Variants in CALHM4 observed in about 807,000 individuals in gnomAD.
CALHM4 encodes the protein calcium homeostasis modulator protein 4.
CALHM4 carries 16 observed loss-of-function variants against 13.3 expected under a neutral mutation model. The ratio of observed to expected loss-of-function variants is 1.20; its 90% CI spans 0.81 to 1.82. CALHM4 has a LOEUF of 1.82. Among genes scored for constraint, CALHM4 ranks in the 40% most tolerant of loss-of-function variants. The probability of loss-of-function intolerance (pLI) is 0.00; values close to 1 mark genes in which losing one functional copy is unlikely to be tolerated. For missense variants in CALHM4, 344 were observed against 374.9 expected, an observed-to-expected ratio of 0.92 and a Z score of 0.68; for synonymous variants, 127 against 137.1, an observed-to-expected ratio of 0.93 and a Z score of 0.52.
At chr6:116,541,444 C>T (rs530179862) in intron 1 of CALHM4, among the ~76,000 whole-genome samples, 2 of 152,266 alleles carry the variant, frequency 1.3e-5, no homozygotes, top group Non-Finnish European at 2.9e-5. Flanking sequence ...CAAGACACCA[C>T]AGTGTTCAGA....
intron 1 of CALHM4, 119 bp downstream of exon 1, chr6:116,554,470 G>GTTCATCAAAGTGTTCATCAAAGTGAGTT: frequency 1.1e-6 from 1 of 908,814 alleles, no homozygotes; most frequent in Non-Finnish European, 1.6e-6. Context: ...AATACTAGAT[G>GTTCATCAAAGTGTTCATCAAAGTGAGTT]CTGTTCATCA....
chr6:116,552,625 T>C (rs1774129677), upstream of CALHM4, among the ~76,000 whole-genome samples: 1 of 152,212 alleles, frequency 6.6e-6, no homozygotes, highest in Admixed American at 6.5e-5. Flanking sequence ...TAAAAGTTTA[T>C]TTGAGAAGAG....
At chr6:116,553,698 C>T, upstream of CALHM4, 1 of 1,114,334 alleles carries the variant, frequency 9.0e-7, no homozygotes, top group East Asian at 2.6e-5. Context: ...CTTGACACAA[C>T]CAGTTAAACC....
intron 1 of CALHM4, among the ~76,000 whole-genome samples, chr6:116,540,679 T>G (rs892598658): frequency 2.6e-5 from 4 of 152,042 alleles, no homozygotes; most frequent in Non-Finnish European, 4.4e-5. Flanking sequence ...ACTGGTCTCC[T>G]GCAAGCAGAA....
Position 116,560,072 on chromosome 6 carries a change from T to G in CALHM4, c.*1861T>G, listed in dbSNP as rs555218600. Among the ~76,000 whole-genome samples, 3 of 152,334 alleles carry G rather than the reference T, an allele frequency of 2.0e-5. No homozygotes were observed. The highest frequency in any genetic ancestry group is 2.0e-4 in the Admixed American group (3 of 15,290). ...TTGTGGAAGGCAACTAGGGTTCTAGTTCCACACTGATACAAATGAACTGTG... is the reference window on the plus strand; with the variant it reads ...TTGTGGAAGGCAACTAGGGTTCTAGGTCCACACTGATACAAATGAACTGTG... On this transcript the variant is annotated 3_prime_UTR_variant, in exon 2 of 2. Transcript: ENST00000368596.
intron 1 of CALHM4, among the ~76,000 whole-genome samples, chr6:116,556,534 TAG>T (rs1293444894): frequency 6.6e-6 from 1 of 152,196 alleles, no homozygotes; most frequent in African/African-American, 2.4e-5. Flanking sequence ...TTAGCCTCCG[TAG>T]AGTACAACTA....
chr6:116,543,644 T>C (rs1773596869), intron 1 of CALHM4: 2 of 675,402 alleles, frequency 3.0e-6, no homozygotes, highest in Non-Finnish European at 5.1e-6. Flanking sequence ...GATAACATCT[T>C]TCTATGCATT....
chr6:116,530,469 T>C (rs190246271), intron 1 of CALHM4, among the ~76,000 whole-genome samples: 68 of 152,344 alleles, frequency 4.5e-4, no homozygotes, highest in African/African-American at 1.2e-3. Flanking sequence ...CAAACTTTTG[T>C]AATTGGTTCC....
intron 1 of CALHM4, among the ~76,000 whole-genome samples, chr6:116,540,049 G>A (rs975297357): frequency 6.6e-6 from 1 of 152,094 alleles, no homozygotes; most frequent in African/African-American, 2.4e-5. Context: ...AAACTGGTTT[G>A]GGGCATGCAT....
In CALHM4 at chr6:116,558,548, T is replaced by G. The variant is rs1169447544; in HGVS notation, c.*337T>G. The G allele has an allele frequency of 8.9e-6, 2 of 224,952 alleles. No individual in the cohort carries two copies. The highest frequency in any genetic ancestry group is 1.8e-5 in the Non-Finnish European group (2 of 113,646). The allele number at this position is 224,952 out of a possible 1,614,324, so 13.9% of individuals were successfully genotyped here. ...ACATTGTAGCTACCTCCTAGAGCTA[T>G]TATGAGAATTAAACATGATAATACA... On this transcript the variant is annotated 3_prime_UTR_variant, in exon 2 of 2. Transcript: ENST00000368596.
chr6:116,546,433 C>A (rs76319074), intron 2 of CALHM4, among the ~76,000 whole-genome samples: 3,660 of 152,268 alleles, frequency 0.024, 48 homozygotes, highest in Non-Finnish European at 0.035. Flanking sequence ...AAGTAATTTT[C>A]TTCTACTTAT....
exon 2 of CALHM4, chr6:116,543,782 A>G (rs770455434): frequency 3.3e-6 from 5 of 1,519,478 alleles, no homozygotes; most frequent in Admixed American, 4.0e-5. Flanking sequence ...CAAGAATTGG[A>G]TAAGACTTCT....
At chr6:116,554,422 A>G in intron 1 of CALHM4, 71 bp downstream of exon 1, 2 of 1,238,584 alleles carry the variant, frequency 1.6e-6, no homozygotes, top group Non-Finnish European at 2.2e-6. Context: ...AACATTTCAG[A>G]TTCCTACTGC....
In CALHM4 at chr6:116,558,311, C is replaced by G. The variant is rs1774436485; in HGVS notation, c.*100C>G. 1 of 1,253,768 alleles carries G rather than the reference C, an allele frequency of 8.0e-7. No individual in the cohort carries two copies. The highest frequency in any genetic ancestry group is 2.4e-5 in the Admixed American group (1 of 40,944). The allele number at this position is 1,253,768 out of a possible 1,614,324, so 77.7% of individuals were successfully genotyped here. Reference sequence around the variant, plus strand: ...ATGTAATCTCTTCATCTTTTTCTTTCTCTCTGATATTTGTTTACGTAAGTC... The same window carrying G: ...ATGTAATCTCTTCATCTTTTTCTTTGTCTCTGATATTTGTTTACGTAAGTC... On this transcript the variant is annotated 3_prime_UTR_variant, in exon 2 of 2. Coordinates refer to ENST00000368596, the MANE Select transcript of CALHM4 (RefSeq NM_001366078.2).
intron 2 of CALHM4, among the ~76,000 whole-genome samples, chr6:116,544,755 T>G (rs1773670784): frequency 6.6e-6 from 1 of 152,076 alleles, no homozygotes; most frequent in Non-Finnish European, 1.5e-5. Context: ...CATTTCAAAC[T>G]GAAGTATGCT....
Position 116,560,886 on chromosome 6 carries a change from A to C in CALHM4, c.*2675A>C, listed in dbSNP as rs925259621. Among the ~76,000 whole-genome samples the C allele has an allele frequency of 2.0e-5, 3 of 152,128 alleles. No homozygotes were observed. The highest frequency in any genetic ancestry group is 6.5e-5 in the Admixed American group (1 of 15,268). On this transcript the variant is annotated 3_prime_UTR_variant, in exon 2 of 2. Transcript: ENST00000368596. ...ACATATATAAACCTGCTCCTTTCTT[A>C]ATTTCATTAGCTCCTCCACGGTCCC...
intron 1 of CALHM4, among the ~76,000 whole-genome samples, chr6:116,536,727 G>A (rs944559600): frequency 3.3e-5 from 5 of 152,188 alleles, no homozygotes; most frequent in African/African-American, 1.2e-4. Context: ...CGGTAGAAGT[G>A]TGTGGTCTGA....
intron 1 of CALHM4, among the ~76,000 whole-genome samples, chr6:116,539,155 A>G (rs1348333608): frequency 1.3e-5 from 2 of 152,240 alleles, no homozygotes; most frequent in African/African-American, 4.8e-5. Flanking sequence ...ACAAGTATTT[A>G]CTTTCCATTA....
chr6:116,530,128 T>C (rs1287899181), intron 1 of CALHM4, among the ~76,000 whole-genome samples: 2 of 151,710 alleles, frequency 1.3e-5, no homozygotes, highest in Non-Finnish European at 2.9e-5. Context: ...GTTTTTAAGA[T>C]GCATGTTATT....
Sources: gnomAD v4.1 joint callset for allele counts (sites outside exome capture counted in the v4.1 genomes callset) on GRCh38, gnomAD v4.1.1 for gene constraint, MANE v1.5 for transcripts, NCBI Gene and HGNC (gene_info 2026-07-23, HGNC 2026-07-21) for gene names.